Variants in CLCN4 observed in about 807,000 individuals in gnomAD.
CLCN4 encodes the protein H(+)/Cl(-) exchange transporter 4.
A neutral mutation model predicts 41.7 loss-of-function variants in CLCN4; 1 was observed. The ratio of observed to expected loss-of-function variants is 0.02; its 90% CI spans 0.01 to 0.11. CLCN4 has a LOEUF of 0.11. CLCN4 is among the 10% of genes least tolerant of loss of function. The pLI is 1.00. For synonymous variants in CLCN4, 277 were observed against 285.8 expected (o/e 0.97, Z 0.31); for missense variants, 287 against 661.0 (o/e 0.43, Z 6.20).
At chrX:10,165,423 C>T (rs773322805) in intron 2 of CLCN4, among the ~76,000 whole-genome samples, 11 of 112,417 alleles carry the variant, frequency 9.8e-5, no homozygotes, top group South Asian at 7.4e-4. Context: ...TGTGGGTGGG[C>T]GCTCCCCCTG....
chrX:10,160,736 G>T (rs947277775), intron 2 of CLCN4, among the ~76,000 whole-genome samples: 1 of 111,713 alleles, frequency 9.0e-6, no homozygotes, highest in Non-Finnish European at 1.9e-5. Context: ...ACGGACACTC[G>T]CTTGGGCAGA....
intron 6 of CLCN4, among the ~76,000 whole-genome samples, chrX:10,202,607 C>A (rs1422318168): frequency 2.2e-5 from 2 of 90,929 alleles, no homozygotes; most frequent in African/African-American, 4.2e-5. Flanking sequence ...CCACTGTACT[C>A]CAGCCTGGGT....
intron 12 of CLCN4, among the ~76,000 whole-genome samples, chrX:10,223,403 A>C (rs1245151569): frequency 3.6e-5 from 4 of 111,908 alleles, no homozygotes; most frequent in African/African-American, 1.3e-4. Flanking sequence ...TTGGCTCTGA[A>C]TGTGCTTCAA....
chrX:10,212,349 C>T (rs976420033), intron 9 of CLCN4, 118 bp from the exon 10 acceptor site: 28 of 691,138 alleles, frequency 4.1e-5, no homozygotes, highest in Non-Finnish European at 6.1e-5. Context: ...AGAGTTGCAC[C>T]TCCTCTGAAG....
At chrX:10,225,581 A>T (rs190316719) in intron 12 of CLCN4, among the ~76,000 whole-genome samples, 1 of 112,099 alleles carries the variant, frequency 8.9e-6, no homozygotes, top group East Asian at 2.8e-4. Flanking sequence ...TGCTGTGCAG[A>T]AGCTCTTTAG....
intron 2 of CLCN4, among the ~76,000 whole-genome samples, chrX:10,167,074 AG>A (rs1242014886): frequency 8.9e-6 from 1 of 112,479 alleles, no homozygotes; most frequent in Non-Finnish European, 1.9e-5. Context: ...AAGTGGGAGG[AG>A]GAAAAAGGAA....
chrX:10,195,285 C>A (rs1924068281), intron 5 of CLCN4, among the ~76,000 whole-genome samples, 187 bp downstream of exon 5: 1 of 110,631 alleles, frequency 9.0e-6, no homozygotes, highest in Admixed American at 9.6e-5. Flanking sequence ...ACTTGCAAAA[C>A]CCTTCCCCAC....
intron 2 of CLCN4, among the ~76,000 whole-genome samples, chrX:10,169,600 TTC>T (rs777568325): frequency 2.7e-5 from 3 of 111,593 alleles, no homozygotes; most frequent in Admixed American, 9.5e-5. Context: ...AAAAAATATT[TTC>T]TGTTTTTCTT....
chrX:10,161,124 G>GCTCTCTCTCTCTCTCTCTCTCTCTCT (rs34687262), intron 2 of CLCN4, among the ~76,000 whole-genome samples: 1 of 86,425 alleles, frequency 1.2e-5, no homozygotes, highest in African/African-American at 4.5e-5. Flanking sequence ...CCATCAGCTT[G>GCTCTCTCTCTCTCTCTCTCTCTCTCT]CTCTCTCTCT....
intron 11 of CLCN4, among the ~76,000 whole-genome samples, chrX:10,215,717 G>A (rs1478343614): frequency 8.9e-6 from 1 of 112,101 alleles, no homozygotes; most frequent in Admixed American, 9.5e-5. Context: ...CTGCTAAGAG[G>A]CAGCTTACTA....
chrX:10,197,393 T>C lies in CLCN4; in HGVS notation c.433-546T>C, dbSNP rs973183366. Among the ~76,000 whole-genome samples, 5 of 111,553 alleles carry C rather than the reference T, an allele frequency of 4.5e-5. No individual in the cohort carries two copies. In the South Asian group the frequency reaches 1.9e-3, roughly 42 times the overall value. The stretch of plus-strand genomic sequence containing the variant: ...GGTGTCTGGTTCAGCAGTTCTCGGG[T>C]GAGGCCTGAGAGTCTGCATGTCTCA... On this transcript the variant is annotated intron_variant, in intron 5 of 12. Transcript: ENST00000380833.
intron 2 of CLCN4, among the ~76,000 whole-genome samples, chrX:10,173,588 T>C (rs1923438597): frequency 9.0e-6 from 1 of 111,561 alleles, no homozygotes; most frequent in Non-Finnish European, 1.9e-5. Context: ...TGTCCTCTGC[T>C]CCTGGCTCCC....
At chrX:10,190,489 T>C (rs374006684) in intron 4 of CLCN4, among the ~76,000 whole-genome samples, 1 of 111,370 alleles carries the variant, frequency 9.0e-6, no homozygotes, top group East Asian at 2.8e-4. Flanking sequence ...AGTTCTAAAT[T>C]TGACATTACC....
chrX:10,188,378 G>A (rs925483077), intron 4 of CLCN4, among the ~76,000 whole-genome samples: 2 of 112,467 alleles, frequency 1.8e-5, no homozygotes, highest in Admixed American at 1.9e-4. Context: ...CACCATGCTA[G>A]ACACCCACGG....
intron 11 of CLCN4, among the ~76,000 whole-genome samples, chrX:10,220,014 A>G (rs1314737077): frequency 1.8e-5 from 2 of 111,555 alleles, no homozygotes; most frequent in African/African-American, 6.5e-5. Context: ...TAACAGTTTT[A>G]CTATCTTTCT....
At position 10,212,505 on chromosome X, in the gene CLCN4, C is replaced by T. The variant is rs775225884; in HGVS notation, c.1428C>T (p.Gly476=). 3.0e-5 allele frequency: 36 copies of T among 1,209,897 alleles called. No homozygotes were observed. The East Asian group carries it at 4.7e-4, about 16-fold the overall frequency. Residue 476 remains glycine, a synonymous_variant, in exon 10 of 13, where the codon GGC becomes GGT. Transcript: ENST00000380833. Reference sequence around the variant, plus strand: ...TCTTCATCCCCAGCATGGCTGTGGGCGCGATAGCGGGCAGGATGGTGGGAA... The same window carrying T: ...TCTTCATCCCCAGCATGGCTGTGGGTGCGATAGCGGGCAGGATGGTGGGAA... ...SGLFIPSMAV[G]AIAGRMVGIG... is the part of the protein sequence containing the mutation.
chrX:10,214,898 G>A (rs184269921), intron 11 of CLCN4, among the ~76,000 whole-genome samples: 1 of 111,683 alleles, frequency 9.0e-6, no homozygotes, highest in Non-Finnish European at 1.9e-5. Flanking sequence ...TGCGGGCTGA[G>A]GGCCAGAGGT....
chrX:10,213,641 G>A lies in CLCN4; in HGVS notation c.1577-40G>A, dbSNP rs148721625. ...CAAATCATGCTTCCGTGAGCTGCCC[G>A]GCTTGCACTTTGGAATCTTACTCCT... On this transcript the variant is annotated intron_variant, in intron 10 of 12. Transcript: ENST00000380833. 8,863 of 1,156,579 alleles carry A rather than the reference G, an allele frequency of 7.7e-3. 39 individuals are homozygous for A. Among genetic ancestry groups the A allele is most frequent in the Non-Finnish European group, 9.2e-3 (7,850 of 857,005 alleles).
At chrX:10,180,499 G>A (rs891321676) in intron 2 of CLCN4, among the ~76,000 whole-genome samples, 6 of 111,461 alleles carry the variant, frequency 5.4e-5, no homozygotes, top group Non-Finnish European at 1.1e-4. Flanking sequence ...CGGGCGCAGT[G>A]GCTCACGCCT....
Sources: gnomAD v4.1 joint callset for allele counts (sites outside exome capture counted in the v4.1 genomes callset) on GRCh38, gnomAD v4.1.1 for gene constraint, MANE v1.5 for transcripts, NCBI Gene and HGNC (gene_info 2026-07-23, HGNC 2026-07-21) for gene names.